Variants in PARL observed in about 807,000 individuals in gnomAD.
PARL encodes presenilin-associated rhomboid-like protein, mitochondrial.
In PARL, 44 loss-of-function variants were observed where a neutral mutation model predicts 51.6. That is an observed-to-expected ratio of 0.85 (90% CI 0.67 to 1.10). The LOEUF (loss-of-function observed/expected upper bound fraction) is 1.10. Among genes scored for constraint, PARL ranks in the 50% least tolerant of loss-of-function variants. The probability of loss-of-function intolerance (pLI) is 0.00; values close to 1 mark genes in which losing one functional copy is unlikely to be tolerated. For synonymous variants in PARL, 172 were observed against 164.0 expected, an observed-to-expected ratio of 1.05 and a Z score of -0.37; for missense variants, 441 against 469.5, an observed-to-expected ratio of 0.94 and a Z score of 0.56.
At chr3:183,867,134 G>A (rs1175215272) in intron 2 of PARL, among the ~76,000 whole-genome samples, 1 of 151,898 alleles carries the variant, frequency 6.6e-6, no homozygotes, top group Non-Finnish European at 1.5e-5. Flanking sequence ...GAGGGGTCTC[G>A]AACTCCTGAC....
intron 5 of PARL, 24 bp from the exon 6 acceptor site, chr3:183,842,471 T>C: frequency 6.2e-7 from 1 of 1,607,642 alleles, no homozygotes; most frequent in Non-Finnish European, 8.5e-7. Flanking sequence ...AAACATAGTC[T>C]GGTAATCATG....
At chr3:183,833,879 G>A (rs1728248287) in intron 7 of PARL, 54 bp from the exon 8 acceptor site, 1 of 1,091,688 alleles carries the variant, frequency 9.2e-7, no homozygotes, top group Admixed American at 1.7e-5. Context: ...ACTGCTTAGT[G>A]GCTACAAGGT....
At chr3:183,838,026 C>CTTT (rs112834345) in intron 7 of PARL, among the ~76,000 whole-genome samples, 158 of 145,688 alleles carry the variant, frequency 1.1e-3, no homozygotes, top group Middle Eastern at 3.5e-3. Flanking sequence ...ATTCAACTTT[C>CTTT]TTTTTTTTTT....
rs1366451090 is a variant in PARL at position 183,867,027 on chromosome 3, T to A, written c.322-262A>T. 7.2e-5 allele frequency among the ~76,000 whole-genome samples: 11 copies of A among 152,088 alleles called. No individual in the cohort carries two copies. In the South Asian group the frequency reaches 2.3e-3, roughly 32 times the overall value. ...CTGCCAGGTTCAAGTGATTCTCCTG[T>A]CTCAGCCTCTGGAGTAGCTAGGATT... On this transcript the variant is annotated intron_variant, in intron 2 of 9. Coordinates refer to ENST00000317096, the MANE Select transcript of PARL (RefSeq NM_018622.7).
At chr3:183,832,222 C>CTT (rs879877473) in intron 9 of PARL, among the ~76,000 whole-genome samples, 24 of 142,866 alleles carry the variant, frequency 1.7e-4, no homozygotes, top group African/African-American at 5.1e-4. Flanking sequence ...ATAGATTTTT[C>CTT]TTTTTTTTTT....
At chr3:183,870,882 T>C (rs1163841535) in intron 1 of PARL, among the ~76,000 whole-genome samples, 1 of 152,158 alleles carries the variant, frequency 6.6e-6, no homozygotes, top group African/African-American at 2.4e-5. Context: ...CCTTTAACTT[T>C]TTTGGGCCCT....
At chr3:183,876,998 G>A (rs1001462730) in intron 1 of PARL, among the ~76,000 whole-genome samples, 9 of 152,220 alleles carry the variant, frequency 5.9e-5, no homozygotes, top group African/African-American at 2.2e-4. Flanking sequence ...GATCACCTGA[G>A]GTCAGGAGTT....
In PARL at chr3:183,831,691, A is replaced by G. The variant is rs143708583; in HGVS notation, c.1028+1801T>C. Among the ~76,000 whole-genome samples the G allele has an allele frequency of 7.5e-3, 1,149 of 152,326 alleles. 9 individuals are homozygous for G. Among genetic ancestry groups the G allele is most frequent in the Middle Eastern group, 0.02 (6 of 294 alleles). On this transcript the variant is annotated intron_variant, in intron 9 of 9. Coordinates refer to ENST00000317096, the MANE Select transcript of PARL (RefSeq NM_018622.7). ...GTCAGAGGCAAAGTCAGGGAAATGT[A>G]TAAGTGGATACTAATGGAGTCTTTA... is the stretch of plus-strand genomic sequence containing the variant.
intron 9 of PARL, among the ~76,000 whole-genome samples, chr3:183,831,743 C>T (rs567061483): frequency 2.7e-5 from 4 of 147,820 alleles, no homozygotes; most frequent in Admixed American, 1.3e-4. Flanking sequence ...GGCACTTCAA[C>T]GAAAAAAAAA....
chr3:183,836,182 A>G (rs1223448548), intron 7 of PARL, among the ~76,000 whole-genome samples: 2 of 136,760 alleles, frequency 1.5e-5, no homozygotes, highest in East Asian at 2.2e-4. Context: ...GCACCTTTGC[A>G]CTCCAGCCTG....
At chr3:183,832,633 G>A (rs1427476203) in intron 9 of PARL, among the ~76,000 whole-genome samples, 1 of 152,200 alleles carries the variant, frequency 6.6e-6, no homozygotes, top group African/African-American at 2.4e-5. Flanking sequence ...GACAGGCCCC[G>A]AGGGGATCCA....
At chr3:183,831,754 TAAATA>T in intron 9 of PARL, among the ~76,000 whole-genome samples, 1 of 151,732 alleles carries the variant, frequency 6.6e-6, no homozygotes, top group East Asian at 1.9e-4. Context: ...GAAAAAAAAA[TAAATA>T]AAAGATTTTA....
chr3:183,829,490 A>C lies in PARL; in HGVS notation c.*108T>G. 5 of 1,611,054 alleles carry C rather than the reference A, an allele frequency of 3.1e-6. No individual in the cohort carries two copies. The highest frequency in any genetic ancestry group is 4.2e-6 in the Non-Finnish European group (5 of 1,178,876). ...ACAGCTGAAAACAGTGGGAGGCCAG[A>C]TGCTGGCATCTTCCAGACGGGAGCA... On this transcript the variant is annotated 3_prime_UTR_variant, in exon 10 of 10. Transcript: ENST00000317096.
chr3:183,847,662 A>G (rs1217686150), intron 4 of PARL, among the ~76,000 whole-genome samples: 1 of 152,170 alleles, frequency 6.6e-6, no homozygotes, highest in Non-Finnish European at 1.5e-5. Context: ...TGAACCAGCA[A>G]ATGGAAAACA....
At chr3:183,851,958 G>A (rs909915638) in intron 4 of PARL, among the ~76,000 whole-genome samples, 4 of 152,126 alleles carry the variant, frequency 2.6e-5, no homozygotes, top group South Asian at 2.1e-4. Flanking sequence ...CCAGGAGTTC[G>A]AAAGCAGCCT....
intron 5 of PARL, among the ~76,000 whole-genome samples, chr3:183,843,788 G>A (rs951860176): frequency 1.3e-4 from 20 of 151,180 alleles, no homozygotes; most frequent in Non-Finnish European, 2.4e-4. Flanking sequence ...CTGAGATCAC[G>A]CCACTGCACT....
Position 183,833,475 on chromosome 3 carries a change from A to T in PARL, c.1028+17T>A. On this transcript the variant is annotated intron_variant, in intron 9 of 9. Coordinates refer to ENST00000317096, the MANE Select transcript of PARL (RefSeq NM_018622.7). ...ACCCAAGGAAGCAGTTTAGCAATCA[A>T]TTACACTCAAACTTACATTCCAAAA... 1 of 1,516,914 alleles carries T rather than the reference A, an allele frequency of 6.6e-7. No individual in the cohort carries two copies. 94.0% of individuals were successfully genotyped at this position (1,516,914 alleles called of 1,614,324 possible).
At chr3:183,848,589 T>A (rs191165309) in intron 4 of PARL, among the ~76,000 whole-genome samples, 182 of 152,338 alleles carry the variant, frequency 1.2e-3, no homozygotes, top group Admixed American at 2.4e-3. Flanking sequence ...GCTGGTAGAA[T>A]GGAGCTGGAG....
At position 183,863,344 on chromosome 3, in the gene PARL, A is replaced by T. The variant is rs186615486; in HGVS notation, c.463-543T>A. 3.1e-4 allele frequency among the ~76,000 whole-genome samples: 47 copies of T among 152,258 alleles called. No individual in the cohort carries two copies. The East Asian group carries it at 8.3e-3, about 27-fold the overall frequency. On this transcript the variant is annotated intron_variant, in intron 3 of 9. Coordinates refer to ENST00000317096, the MANE Select transcript of PARL (RefSeq NM_018622.7). ...TACGTCTAGAATTTGCTTTACAATA[A>T]TACAAGGGTGGAAAGGGAAGGGAAA...
Sources: allele counts gnomAD v4.1 joint callset (sites outside exome capture counted in the v4.1 genomes callset), GRCh38; gene constraint gnomAD v4.1.1; transcripts MANE v1.5; gene names NCBI Gene and HGNC (gene_info 2026-07-23, HGNC 2026-07-21).